SLF1: variants seen among roughly 807,000 people sequenced by gnomAD.
SLF1 encodes SMC5-SMC6 complex localization factor protein 1.
A neutral mutation model predicts 123.0 loss-of-function variants in SLF1; 105 were observed. That is an observed-to-expected ratio of 0.85 (90% confidence interval 0.73 to 1.00). SLF1 has a LOEUF of 1.00. SLF1 is among the 50% of genes least tolerant of loss of function. The probability of loss-of-function intolerance (pLI) is 0.00; values close to 1 mark genes in which losing one functional copy is unlikely to be tolerated. For missense variants in SLF1, 1,239 were observed against 1,223.0 expected (o/e 1.01, Z -0.20); for synonymous variants, 434 against 406.6 (o/e 1.07, Z -0.81).
chr5:94,630,873 T>A, intron 4 of SLF1, 130 bp downstream of exon 4: 1 of 958,108 alleles, frequency 1.0e-6, no homozygotes, highest in South Asian at 1.8e-5. Flanking sequence ...ATCTCCTAGG[T>A]AAGCCATTAT....
chr5:94,630,387 C>A (rs773200749), intron 3 of SLF1, 116 bp from the exon 4 acceptor site: 94 of 1,202,144 alleles, frequency 7.8e-5, no homozygotes, highest in African/African-American at 1.1e-4. Flanking sequence ...ATAATGTTAG[C>A]AGCATAGCTT....
chr5:94,669,381 G>T, intron 12 of SLF1, among the ~76,000 whole-genome samples: 1 of 152,240 alleles, frequency 6.6e-6, no homozygotes, highest in African/African-American at 2.4e-5. Flanking sequence ...TAAGTGCATT[G>T]TTGATATAAT....
intron 12 of SLF1, 143 bp from the exon 13 acceptor site, chr5:94,670,008 T>C (rs968601026): frequency 4.0e-5 from 29 of 722,808 alleles, no homozygotes; most frequent in Non-Finnish European, 6.1e-5. Flanking sequence ...GGAAGAAATA[T>C]ATTCATAAAA....
intron 5 of SLF1, among the ~76,000 whole-genome samples, chr5:94,649,102 C>G (rs1747393554): frequency 6.6e-6 from 1 of 152,124 alleles, no homozygotes; most frequent in Non-Finnish European, 1.5e-5. Context: ...AAGAAGAAGT[C>G]TGTCTATAAT....
chr5:94,691,566 G>A lies in SLF1; in HGVS notation c.2422G>A (p.Glu808Lys). 1 of 1,603,916 alleles carries A rather than the reference G, an allele frequency of 6.2e-7. No homozygotes were observed. Among genetic ancestry groups the A allele is most frequent in the Non-Finnish European group, 8.5e-7 (1 of 1,176,904 alleles). Residue 808 changes from glutamate to lysine, a missense_variant and splice_region_variant, in exon 19 of 21, where the codon GAA becomes AAA. Physicochemically the swap from Glu to Lys is moderately conservative, Grantham distance 56. Transcript: ENST00000265140. ...AATCTATTAATTTTTTATGGCAGGA[G>A]AAACAGCCCTGCATAGAGCTTGCAT... ...MNFHKTNLKGETALHRACINN... is the reference protein window; with the variant it reads ...MNFHKTNLKGKTALHRACINN...
At chr5:94,653,446 G>A (rs1158559348) in intron 8 of SLF1, 25 bp downstream of exon 8, 1 of 1,467,650 alleles carries the variant, frequency 6.8e-7, no homozygotes, top group East Asian at 2.8e-5. Context: ...CTAAGCTATA[G>A]CTTTCTTTTT....
intron 5 of SLF1, among the ~76,000 whole-genome samples, chr5:94,645,917 TC>T (rs1247717409): frequency 6.9e-6 from 1 of 144,730 alleles, no homozygotes; most frequent in Non-Finnish European, 1.5e-5. Context: ...ATTAGATGGA[TC>T]TTGAAGTGTC....
In SLF1 at chr5:94,688,555, G is replaced by A. The variant is rs148667894; in HGVS notation, c.2171G>A (p.Gly724Glu). The change falls in exon 17 of 21, where the codon GGA (glycine) becomes GAA (glutamate). Residue 724 changes from glycine (G) to glutamate (E), a missense_variant. Transcript: ENST00000265140. ...GGGAAAACTGGTGTGCTTGGGTCTG[G>A]AAAGATTCAGGTGTCAAAGAAAATA... is the stretch of plus-strand genomic sequence containing the variant. Reference protein sequence around the residue: ...ALGKTGVLGSGKIQVSKKIGQ... With the variant: ...ALGKTGVLGSEKIQVSKKIGQ... The A allele has an allele frequency of 6.8e-6, 11 of 1,613,910 alleles. No homozygotes were observed. In the African/African-American group the frequency reaches 1.3e-4, roughly 20 times the overall value.
chr5:94,639,037 C>CTTTTTTTTTTTTTTTTTTTTTTTTT (rs764031689), intron 4 of SLF1, among the ~76,000 whole-genome samples: 3 of 88,970 alleles, frequency 3.4e-5, no homozygotes, highest in African/African-American at 9.9e-5. Context: ...CTTTTCTTCC[C>CTTTTTTTTTTTTTTTTTTTTTTTTT]TTTTTTTTTT....
chr5:94,629,032 A>G lies in SLF1; in HGVS notation c.115-60A>G. On this transcript the variant is annotated intron_variant, in intron 2 of 20. Transcript: ENST00000265140. ...TCTTGATATTGTAGCAATAAAAAGG[A>G]TGTGTCATAAAGGGAGTCTTACTTT... 3 of 1,434,182 alleles carry G rather than the reference A, an allele frequency of 2.1e-6. No homozygotes were observed. The South Asian group carries it at 3.9e-5, about 19-fold the overall frequency. The allele number at this position is 1,434,182 out of a possible 1,614,324, so 88.8% of individuals were successfully genotyped here. A position where few individuals can be genotyped will look rare whatever the true frequency, so the allele number is the denominator to read the frequency against.
intron 4 of SLF1, among the ~76,000 whole-genome samples, chr5:94,638,306 G>A (rs1276036114): frequency 6.6e-6 from 1 of 152,086 alleles, no homozygotes; most frequent in Non-Finnish European, 1.5e-5. Context: ...AGCCTCCCGA[G>A]TAGCTGGAAC....
chr5:94,687,633 G>C (rs1201406194), intron 16 of SLF1, among the ~76,000 whole-genome samples: 1 of 152,094 alleles, frequency 6.6e-6, no homozygotes, highest in African/African-American at 2.4e-5. Context: ...GGTCGAGGCA[G>C]CAGTGACCTG....
chr5:94,647,587 T>C (rs910355404), intron 5 of SLF1, among the ~76,000 whole-genome samples: 5 of 152,324 alleles, frequency 3.3e-5, no homozygotes, highest in African/African-American at 9.6e-5. Context: ...TTACAAAATA[T>C]ACTAGTCTTG....
intron 1 of SLF1, among the ~76,000 whole-genome samples, chr5:94,625,379 TTTTA>T (rs557651496): frequency 6.6e-6 from 1 of 151,904 alleles, no homozygotes; most frequent in Middle Eastern, 3.4e-3. Context: ...TATTTTTTAA[TTTTA>T]TTTATTTATT....
chr5:94,694,998 G>A lies in SLF1; in HGVS notation c.2863G>A (p.Gly955Ser). ...KHFHYQQLEF[G>S]SFLLSRMLLN... Reference sequence around the variant, plus strand: ...TTTTCATTACCAGCAACTTGAATTTGGCTCCTTTTTACTTAGTAGGATGTT... The same window carrying A: ...TTTTCATTACCAGCAACTTGAATTTAGCTCCTTTTTACTTAGTAGGATGTT... Residue 955 changes from glycine (G) to serine (S), a missense_variant, in exon 21 of 21, where the codon GGC becomes AGC. Coordinates refer to ENST00000265140, the MANE Select transcript of SLF1 (RefSeq NM_032290.4). 2 of 1,612,486 alleles carry A rather than the reference G, an allele frequency of 1.2e-6. No homozygotes were observed. Among genetic ancestry groups the A allele is most frequent in the Middle Eastern group, 3.3e-4 (2 of 6,054 alleles).
intron 18 of SLF1, among the ~76,000 whole-genome samples, chr5:94,691,006 A>G (rs2152499097): frequency 6.6e-6 from 1 of 151,850 alleles, no homozygotes; most frequent in Admixed American, 6.6e-5. Flanking sequence ...GTTGTAGCCA[A>G]GCCAGACAGC....
chr5:94,666,220 TA>T (rs1749736241), intron 12 of SLF1, among the ~76,000 whole-genome samples, 196 bp downstream of exon 12: 1 of 152,152 alleles, frequency 6.6e-6, no homozygotes, highest in African/African-American at 2.4e-5. Context: ...GTCTGTTTCC[TA>T]AAAAAATAAA....
chr5:94,663,400 T>C (rs147883497), intron 10 of SLF1, among the ~76,000 whole-genome samples: 1 of 152,352 alleles, frequency 6.6e-6, no homozygotes, highest in East Asian at 1.9e-4. Flanking sequence ...TCCCAGCACT[T>C]TGGGAGGCCA....
chr5:94,670,044 A>C (rs748987008), intron 12 of SLF1, 107 bp from the exon 13 acceptor site: 1 of 1,151,000 alleles, frequency 8.7e-7, no homozygotes, highest in Admixed American at 3.6e-5. Context: ...TATTTTAAGA[A>C]AATTTTATTA....
Sources: allele counts gnomAD v4.1 joint callset (sites outside exome capture counted in the v4.1 genomes callset), GRCh38; gene constraint gnomAD v4.1.1; transcripts MANE v1.5; gene names NCBI Gene and HGNC (gene_info 2026-07-23, HGNC 2026-07-21).